The following ITFG2 variants were observed in gnomAD, a reference collection of about 807,000 sequenced individuals.
ITFG2 encodes integrin alpha FG-GAP repeat containing 2, also known as KICSTOR complex protein ITFG2.
In ITFG2, 36 loss-of-function variants were observed where a neutral mutation model predicts 54.4. The ratio of observed to expected loss-of-function variants is 0.66; its 90% CI spans 0.51 to 0.87. The LOEUF is 0.87. ITFG2 is among the 40% of genes least tolerant of loss of function. The pLI, the probability that ITFG2 is intolerant of heterozygous loss-of-function variation, is 0.00. For synonymous variants in ITFG2, 211 were observed against 225.4 expected (o/e 0.94, Z 0.57); for missense variants, 524 against 576.7 (o/e 0.91, Z 0.94).
chr12:2,822,703 C>A, intron 9 of ITFG2, 91 bp from the exon 10 acceptor site: 2 of 1,102,618 alleles, frequency 1.8e-6, no homozygotes, highest in Non-Finnish European at 2.7e-6. Flanking sequence ...CTGCCGAACC[C>A]ACGGGTGAAA....
At chr12:2,832,310 A>G (rs150549501), upstream of ITFG2, among the ~76,000 whole-genome samples, 3 of 152,096 alleles carry the variant, frequency 2.0e-5, no homozygotes, top group Non-Finnish European at 4.4e-5. Flanking sequence ...GGTGATCCAC[A>G]GTCCACATGA....
exon 1 of ITFG2, chr12:2,836,815 A>G (rs1565438310): frequency 6.6e-6 from 1 of 152,246 alleles, no homozygotes; most frequent in Non-Finnish European, 1.5e-5. Context: ...GGGATAATGC[A>G]TCTGCAAGCC....
In ITFG2 at chr12:2,824,171, C is replaced by T; in HGVS notation, c.1322C>T (p.Ser441Leu). Reference sequence around the variant, plus strand: ...GACCAGCCACCACAGTGTGCTCCCTCAAGCCTCCAGGATCCCACCTAGCTG... The same window carrying T: ...GACCAGCCACCACAGTGTGCTCCCTTAAGCCTCCAGGATCCCACCTAGCTG... Reference protein sequence around the residue: ...HPDQPPQCAPSSLQDPT With the variant: ...HPDQPPQCAPLSLQDPT Residue 441 changes from serine to leucine, a missense_variant, in exon 12 of 12, where the codon TCA (serine) becomes TTA (leucine). Physicochemically the swap from Ser to Leu is moderately radical, Grantham distance 145. Coordinates refer to ENST00000228799, the MANE Select transcript of ITFG2 (RefSeq NM_018463.4). 6.2e-7 allele frequency: 1 copy of T among 1,614,176 alleles called. No individual in the cohort carries two copies. Among genetic ancestry groups the T allele is most frequent in the Non-Finnish European group, 8.5e-7 (1 of 1,180,018 alleles).
chr12:2,820,899 T>C (rs1421690091), intron 6 of ITFG2, 27 bp downstream of exon 6: 4 of 1,609,930 alleles, frequency 2.5e-6, no homozygotes, highest in South Asian at 1.1e-5. Flanking sequence ...CAGTGGATGG[T>C]GTGGGGGTGC....
intron 2 of ITFG2, among the ~76,000 whole-genome samples, chr12:2,855,614 C>T (rs559978082): frequency 6.6e-6 from 1 of 152,282 alleles, no homozygotes; most frequent in South Asian, 2.1e-4. Flanking sequence ...TCCTTCCCGG[C>T]GGAAGTTATG....
At chr12:2,827,707 C>T (rs759758866), downstream of ITFG2, 11 of 1,613,654 alleles carry the variant, frequency 6.8e-6, 2 homozygotes, top group South Asian at 1.2e-4. The surrounding 1 kb of genome is among the most constrained non-coding windows in gnomAD (Gnocchi z 4.0). Flanking sequence ...ACAGAAGAGG[C>T]TGAGGGTTCC....
chr12:2,828,443 T>C (rs1195949154), downstream of ITFG2: 1 of 1,569,812 alleles, frequency 6.4e-7, no homozygotes, highest in Non-Finnish European at 8.8e-7. Flanking sequence ...GGTGAATCAG[T>C]GAGTCCCTAG....
downstream of ITFG2, among the ~76,000 whole-genome samples, chr12:2,829,793 A>T (rs920143984): frequency 1.3e-5 from 2 of 148,298 alleles, no homozygotes; most frequent in African/African-American, 5.0e-5. Context: ...GGACCGGAAA[A>T]GTCGAGGGGT....
intron 2 of ITFG2, among the ~76,000 whole-genome samples, chr12:2,843,695 C>G (rs1219519152): frequency 2.0e-5 from 3 of 152,134 alleles, no homozygotes; most frequent in African/African-American, 7.2e-5. Context: ...CGCCCATAGT[C>G]CCAGCTACTC....
At chr12:2,847,910 A>G (rs564468555) in intron 2 of ITFG2, among the ~76,000 whole-genome samples, 18 of 152,300 alleles carry the variant, frequency 1.2e-4, no homozygotes, top group Non-Finnish European at 2.4e-4. Context: ...ATGGCTACAT[A>G]ATATTCTATC....
chr12:2,827,891 T>G (rs2097976677), downstream of ITFG2: 1 of 1,613,106 alleles, frequency 6.2e-7, no homozygotes, highest in Non-Finnish European at 8.5e-7. The surrounding 1 kb of genome is among the most constrained non-coding windows in gnomAD (Gnocchi z 4.0). Flanking sequence ...AAAGGTGAGG[T>G]GAGCACCAGG....
At chr12:2,828,430 C>A (rs544990134), downstream of ITFG2, 1 of 1,607,118 alleles carries the variant, frequency 6.2e-7, no homozygotes, top group African/African-American at 1.3e-5. Context: ...AAAGAAGAAT[C>A]GTGGTGAATC....
chr12:2,834,559 T>C (rs1324541347), upstream of ITFG2: 1 of 1,506,186 alleles, frequency 6.6e-7, no homozygotes, highest in African/African-American at 1.4e-5. Flanking sequence ...GGTCTGCACT[T>C]TCTGGTCCTG....
chr12:2,830,903 C>G (rs1172229556), downstream of ITFG2: 3 of 1,589,456 alleles, frequency 1.9e-6, no homozygotes, highest in Non-Finnish European at 2.6e-6. Flanking sequence ...GTTCTAAACC[C>G]AGGCATCCAG....
At chr12:2,854,062 G>A (rs561655042) in intron 2 of ITFG2, among the ~76,000 whole-genome samples, 1 of 152,090 alleles carries the variant, frequency 6.6e-6, no homozygotes, top group Non-Finnish European at 1.5e-5. Context: ...TTTCTCTCTT[G>A]TTGCCCCGGC....
At position 2,853,619 on chromosome 12, in the gene ITFG2, T is replaced by G. The variant is rs112423461; in HGVS notation, n.301-4393T>G. Among the ~76,000 whole-genome samples, 53 of 152,222 alleles carry G rather than the reference T, an allele frequency of 3.5e-4. 2 individuals are homozygous for G. The highest frequency in any genetic ancestry group is 2.7e-3 in the East Asian group (14 of 5,180). ...TGTTTTTGTTTTTGTTTTTGTTTTTTTTTCAGATTAAAAATCTTCACAGCC... is the reference window on the plus strand; with the variant it reads ...TGTTTTTGTTTTTGTTTTTGTTTTTGTTTCAGATTAAAAATCTTCACAGCC... On this transcript the variant is annotated intron_variant and non_coding_transcript_variant, in intron 2 of 3. Coordinates refer to the ITFG2 transcript ENST00000537710.
Position 2,853,750 on chromosome 12 carries a change from G to T in ITFG2, n.301-4262G>T, listed in dbSNP as rs537336525. Reference sequence around the variant, plus strand: ...GTTACTCTTGCATGCGTAGTGCCTGGGCTGGACACAGTTGGGAAGCATCCG... The same window carrying T: ...GTTACTCTTGCATGCGTAGTGCCTGTGCTGGACACAGTTGGGAAGCATCCG... On this transcript the variant is annotated intron_variant and non_coding_transcript_variant, in intron 2 of 3. Transcript: ENST00000537710. 5.9e-5 allele frequency among the ~76,000 whole-genome samples: 9 copies of T among 152,182 alleles called. No homozygotes were observed. In the South Asian group the frequency reaches 1.7e-3, roughly 28 times the overall value.
intron 2 of ITFG2, chr12:2,830,803 C>T (rs759926421): frequency 1.2e-6 from 2 of 1,613,810 alleles, no homozygotes; most frequent in South Asian, 1.1e-5. Context: ...GGAGGCTCCC[C>T]CTGAAGCCAA....
intron 1 of ITFG2, among the ~76,000 whole-genome samples, chr12:2,815,277 T>A (rs1271700141): frequency 6.6e-6 from 1 of 152,232 alleles, no homozygotes; most frequent in Non-Finnish European, 1.5e-5. Flanking sequence ...AGGAAGGGGA[T>A]GTTGGCTGTA....
Sources: gnomAD v4.1 joint callset for allele counts (sites outside exome capture counted in the v4.1 genomes callset) on GRCh38, gnomAD v4.1.1 for gene constraint, Gnocchi (gnomAD v3.1) non-coding constraint, MANE v1.5 for transcripts, NCBI Gene and HGNC (gene_info 2026-07-23, HGNC 2026-07-21) for gene names.